Variants in PATL2 observed in about 807,000 individuals in gnomAD.
PATL2 encodes PAT1 homolog 2, also known as protein PAT1 homolog 2.
In PATL2, 73 loss-of-function variants were observed where a neutral mutation model predicts 77.0. The ratio of observed to expected loss-of-function variants is 0.95; its 90% CI spans 0.78 to 1.15. The LOEUF is 1.15. Ranked by LOEUF, PATL2 falls within the 50% of genes most tolerant of loss-of-function variation. PATL2 has a pLI of 0.00. For missense variants in PATL2, 618 were observed against 655.4 expected (o/e 0.94, Z 0.62); for synonymous variants, 265 against 257.1 (o/e 1.03, Z -0.29).
At chr15:44,700,814 G>A (rs2086612398) in intron 3 of PATL2, among the ~76,000 whole-genome samples, 1 of 152,066 alleles carries the variant, frequency 6.6e-6, no homozygotes, top group Non-Finnish European at 1.5e-5. Flanking sequence ...TTGAATAATA[G>A]TGGTGGAAGT....
At chr15:44,670,809 T>C (rs1321892985) in intron 9 of PATL2, among the ~76,000 whole-genome samples, 7 of 152,258 alleles carry the variant, frequency 4.6e-5, no homozygotes, top group African/African-American at 1.7e-4. Context: ...TGATCTCACC[T>C]GTGCTTTCTA....
chr15:44,675,817 C>CAGGAG, intron 4 of PATL2, 126 bp from the exon 5 acceptor site: 1 of 803,210 alleles, frequency 1.2e-6, no homozygotes, highest in Non-Finnish European at 1.9e-6. Context: ...TTGAACATAA[C>CAGGAG]GCCTCCTGTT....
chr15:44,676,914 G>A (rs2141216369), intron 3 of PATL2: 1 of 1,021,470 alleles, frequency 9.8e-7, no homozygotes, highest in Non-Finnish European at 1.2e-6. Context: ...TAGCAGCCTG[G>A]GCCAGGACCT....
intron 3 of PATL2, among the ~76,000 whole-genome samples, chr15:44,701,486 A>T (rs777400777): frequency 1.3e-5 from 2 of 151,944 alleles, no homozygotes; most frequent in Non-Finnish European, 2.9e-5. Flanking sequence ...ACTTGAGGCC[A>T]GGAGTTTGAG....
intron 3 of PATL2, among the ~76,000 whole-genome samples, chr15:44,688,744 A>G (rs1475510721): frequency 6.6e-6 from 1 of 152,252 alleles, no homozygotes; most frequent in Non-Finnish European, 1.5e-5. Flanking sequence ...GTAAGATTGA[A>G]AACCATAAAA....
rs2085526023 is a variant in PATL2 at position 44,669,040 on chromosome 15, G to A, written c.1164C>T (p.Thr388=). The change falls in exon 14 of 18, where the codon ACC becomes ACT. Residue 388 remains threonine (T), a synonymous_variant. Transcript: ENST00000682850. ...GATGGTGGGTGATAGCCAAAAGAAT[G>A]GTAACAGCCTGATCCTGGGGCAGGA... ...LPFLPQDQAV[T]ILLAITHHLP... 6.4e-7 allele frequency: 1 copy of A among 1,551,174 alleles called. No homozygotes were observed. Among genetic ancestry groups the A allele is most frequent in the Non-Finnish European group, 8.7e-7 (1 of 1,146,696 alleles).
intron 3 of PATL2, among the ~76,000 whole-genome samples, chr15:44,698,661 G>C (rs2086564290): frequency 1.3e-5 from 2 of 152,338 alleles, no homozygotes; most frequent in Admixed American, 1.3e-4. Context: ...CACTTAGGTT[G>C]CTTCCAAATC....
intron 15 of PATL2, among the ~76,000 whole-genome samples, chr15:44,667,493 C>G (rs2085438722): frequency 6.6e-6 from 1 of 152,186 alleles, no homozygotes; most frequent in Non-Finnish European, 1.5e-5. Context: ...ATCCAGGAAT[C>G]TGAGGCAGGT....
In PATL2 at chr15:44,693,904, C is replaced by T. The variant is rs141201300; in HGVS notation, c.-76+16192G>A. 1.7e-3 allele frequency among the ~76,000 whole-genome samples: 260 copies of T among 151,990 alleles called. 3 individuals carry two copies. The highest frequency in any genetic ancestry group is 7.9e-3 in the South Asian group (38 of 4,812). On this transcript the variant is annotated intron_variant, in intron 3 of 17. Transcript: ENST00000682850. ...TTTTAGTAGAGACAGGGTTTCTCCA[C>T]GTTGGCCAGTCTGGTCTCAAACTCC...
Position 44,672,172 on chromosome 15 carries a change from A to G in PATL2, c.516-16T>C. ...GGCTGGGGGACTTTAAGCCAGGAGG[A>G]ACAACCCTTTAGACTTACCCACCAC... is the stretch of plus-strand genomic sequence containing the variant. On this transcript the variant is annotated splice_polypyrimidine_tract_variant and intron_variant, in intron 8 of 17. Coordinates refer to ENST00000682850, the MANE Select transcript of PATL2 (RefSeq NM_001387263.1). 1 of 1,551,682 alleles carries G rather than the reference A, an allele frequency of 6.4e-7. No individual in the cohort carries two copies. The highest frequency in any genetic ancestry group is 2.4e-5 in the East Asian group (1 of 40,926).
intron 3 of PATL2, among the ~76,000 whole-genome samples, chr15:44,695,439 G>A (rs2086483873): frequency 6.6e-6 from 1 of 152,090 alleles, no homozygotes. Flanking sequence ...AGACAAGATG[G>A]CGCTGGCCAA....
At chr15:44,671,102 A>G (rs1234982683) in intron 9 of PATL2, among the ~76,000 whole-genome samples, 1 of 152,222 alleles carries the variant, frequency 6.6e-6, no homozygotes, top group East Asian at 1.9e-4. Flanking sequence ...AGGGCTTTTG[A>G]AGCTTGGTGG....
At chr15:44,668,870 T>C in intron 14 of PATL2, 110 bp downstream of exon 14, 2 of 1,314,104 alleles carry the variant, frequency 1.5e-6, no homozygotes, top group South Asian at 3.4e-5. Flanking sequence ...CATCCCTCGC[T>C]GTGCCCAGCA....
chr15:44,692,516 A>G (rs1401095380), intron 3 of PATL2, among the ~76,000 whole-genome samples: 1 of 152,174 alleles, frequency 6.6e-6, no homozygotes, highest in Non-Finnish European at 1.5e-5. Context: ...GATGGGGCTA[A>G]TTTCCTGGTA....
intron 3 of PATL2, among the ~76,000 whole-genome samples, chr15:44,680,470 T>C (rs2086108835): frequency 6.6e-6 from 1 of 152,144 alleles, no homozygotes; most frequent in African/African-American, 2.4e-5. Context: ...GAGGAAATTA[T>C]ACACAGCCAC....
intron 4 of PATL2, 172 bp from the exon 5 acceptor site, chr15:44,675,863 G>A (rs1178450895): frequency 9.9e-6 from 6 of 606,754 alleles, no homozygotes; most frequent in Middle Eastern, 4.4e-4. Context: ...CTCCCAAGGT[G>A]CCCCGAACCA....
At chr15:44,690,144 G>A (rs898613575) in intron 3 of PATL2, among the ~76,000 whole-genome samples, 2 of 152,072 alleles carry the variant, frequency 1.3e-5, no homozygotes, top group African/African-American at 4.8e-5. Context: ...AGCTGAGATA[G>A]CGCCATTGCA....
chr15:44,669,275 C>G lies in PATL2; in HGVS notation c.1064+5G>C. ...TGGGCTGAGGTGGAACCCTCCCACACTCACTCCAGGTTGTTCTGCTCCTGG... is the reference window on the plus strand; with the variant it reads ...TGGGCTGAGGTGGAACCCTCCCACAGTCACTCCAGGTTGTTCTGCTCCTGG... On this transcript the variant is annotated splice_donor_5th_base_variant and intron_variant, in intron 13 of 17. Coordinates refer to ENST00000682850, the MANE Select transcript of PATL2 (RefSeq NM_001387263.1). 1 of 1,546,168 alleles carries G rather than the reference C, an allele frequency of 6.5e-7. No homozygotes were observed. Among genetic ancestry groups the G allele is most frequent in the Non-Finnish European group, 8.8e-7 (1 of 1,142,428 alleles).
chr15:44,688,380 C>T (rs1199358082), intron 3 of PATL2, among the ~76,000 whole-genome samples: 1 of 151,940 alleles, frequency 6.6e-6, no homozygotes, highest in African/African-American at 2.4e-5. Flanking sequence ...AAAGAGCCCG[C>T]ATAGCCAAGA....
Sources: gnomAD v4.1 joint callset for allele counts (sites outside exome capture counted in the v4.1 genomes callset) on GRCh38, gnomAD v4.1.1 for gene constraint, MANE v1.5 for transcripts, NCBI Gene and HGNC (gene_info 2026-07-23, HGNC 2026-07-21) for gene names.